Variants in PIWIL2 observed in about 807,000 individuals in gnomAD.
PIWIL2 encodes the protein piwi like RNA-mediated gene silencing 2.
PIWIL2 carries 81 observed loss-of-function variants against 116.5 expected under a neutral mutation model. The observed-to-expected ratio is 0.70, with a 90% confidence interval of 0.58 to 0.84. PIWIL2 has a LOEUF of 0.84. Among genes scored for constraint, PIWIL2 ranks in the 40% least tolerant of loss-of-function variants. The probability of loss-of-function intolerance (pLI) is 0.00; values close to 1 mark genes in which losing one functional copy is unlikely to be tolerated. For missense variants in PIWIL2, 1,272 were observed against 1,212.3 expected, an observed-to-expected ratio of 1.05 and a Z score of -0.73; for synonymous variants, 489 against 429.5, an observed-to-expected ratio of 1.14 and a Z score of -1.71.
Position 22,281,161 on chromosome 8 carries a change from T to G in PIWIL2, c.240T>G (p.Ile80Met), listed in dbSNP as rs895354809. The change falls in exon 3 of 23, where the codon ATT becomes ATG. Residue 80 changes from isoleucine to methionine, a missense_variant. Ile to Met is a conservative substitution (Grantham distance 10). Transcript: ENST00000356766. ...TCTCCATGTTCCGAGGCCTGGGCAT[T>G]GAAACAGTTTCTAAGACCCCTCTGA... ...GLVSMFRGLGIETVSKTPLKR... is the reference protein window; with the variant it reads ...GLVSMFRGLGMETVSKTPLKR... 2 of 1,612,940 alleles carry G rather than the reference T, an allele frequency of 1.2e-6. No individual in the cohort carries two copies. Among genetic ancestry groups the G allele is most frequent in the African/African-American group, 1.3e-5 (1 of 74,862 alleles).
intron 1 of PIWIL2, among the ~76,000 whole-genome samples, chr8:22,277,358 G>C (rs550475239): frequency 1.1e-4 from 16 of 152,196 alleles, no homozygotes; most frequent in African/African-American, 3.9e-4. Flanking sequence ...GACCTGATGG[G>C]CTTTAGATTT....
rs974045894 is a variant in PIWIL2, at chr8:22,281,165, A to G, written c.244A>G (p.Thr82Ala). ...VSMFRGLGIE[T>A]VSKTPLKREM... is the part of the protein sequence containing the mutation. Reference sequence around the variant, plus strand: ...CATGTTCCGAGGCCTGGGCATTGAAACAGTTTCTAAGACCCCTCTGAAACG... The same window carrying G: ...CATGTTCCGAGGCCTGGGCATTGAAGCAGTTTCTAAGACCCCTCTGAAACG... Residue 82 changes from threonine (T) to alanine (A), a missense_variant, in exon 3 of 23, where the codon ACA (threonine) becomes GCA (alanine). Coordinates refer to ENST00000356766, the MANE Select transcript of PIWIL2 (RefSeq NM_018068.5). 9 of 1,612,878 alleles carry G rather than the reference A, an allele frequency of 5.6e-6. No individual in the cohort carries two copies. The highest frequency in any genetic ancestry group is 6.8e-6 in the Non-Finnish European group (8 of 1,179,630).
chr8:22,317,735 C>T (rs750621272), intron 19 of PIWIL2, among the ~76,000 whole-genome samples: 15 of 152,136 alleles, frequency 9.9e-5, no homozygotes, highest in Non-Finnish European at 1.8e-4. Flanking sequence ...TCTCAGCTCA[C>T]TGCAAGCTCC....
At chr8:22,323,012 G>A (rs1054964082) in intron 20 of PIWIL2, among the ~76,000 whole-genome samples, 1 of 150,542 alleles carries the variant, frequency 6.6e-6, no homozygotes, top group Non-Finnish European at 1.5e-5. Context: ...CGCCTCCCCG[G>A]TTCAAGCACT....
chr8:22,351,582 G>A (rs1832364210), intron 20 of PIWIL2, among the ~76,000 whole-genome samples: 1 of 147,554 alleles, frequency 6.8e-6, no homozygotes, highest in Non-Finnish European at 1.5e-5. Flanking sequence ...CTGTCACCCA[G>A]GCTGGAGTGC....
At chr8:22,293,942 TA>T (rs1830824735) in intron 10 of PIWIL2, among the ~76,000 whole-genome samples, 1 of 152,142 alleles carries the variant, frequency 6.6e-6, no homozygotes, top group Admixed American at 6.5e-5. Flanking sequence ...TTAGTGAAAA[TA>T]AGAAAAAAGT....
intron 10 of PIWIL2, among the ~76,000 whole-genome samples, chr8:22,297,115 A>G (rs1453667583): frequency 1.3e-5 from 2 of 151,962 alleles, no homozygotes; most frequent in Non-Finnish European, 2.9e-5. Context: ...CAGTCTCCCA[A>G]GTAGCTGGGA....
At chr8:22,289,396 C>T (rs1830705264) in intron 8 of PIWIL2, among the ~76,000 whole-genome samples, 1 of 152,104 alleles carries the variant, frequency 6.6e-6, no homozygotes, top group African/African-American at 2.4e-5. Flanking sequence ...CGTGATCTGT[C>T]CACCTCAGCC....
chr8:22,299,540 A>G (rs577132884), intron 10 of PIWIL2, among the ~76,000 whole-genome samples: 2 of 152,040 alleles, frequency 1.3e-5, no homozygotes, highest in East Asian at 3.9e-4. Flanking sequence ...TTGAAATACC[A>G]CCTTATTCTA....
chr8:22,279,404 A>G lies in PIWIL2; in HGVS notation c.18A>G (p.Pro6=), dbSNP rs199690376. 1.5e-5 allele frequency: 24 copies of G among 1,614,136 alleles called. No individual in the cohort carries two copies. In the Admixed American group the frequency reaches 2.2e-4, roughly 15 times the overall value. MDPFR[P]SFRGQSPIHP... ...GCCCGTCCATGGATCCTTTCCGACCATCGTTCAGGGGCCAGTCTCCTATCC... is the reference window on the plus strand; with the variant it reads ...GCCCGTCCATGGATCCTTTCCGACCGTCGTTCAGGGGCCAGTCTCCTATCC... Residue 6 remains proline, a synonymous_variant, in exon 2 of 23, where the codon CCA becomes CCG. Coordinates refer to ENST00000356766, the MANE Select transcript of PIWIL2 (RefSeq NM_018068.5).
At chr8:22,311,430 G>A (rs769758559) in intron 16 of PIWIL2, 130 bp downstream of exon 16, 1 of 698,960 alleles carries the variant, frequency 1.4e-6, no homozygotes, top group Non-Finnish European at 2.3e-6. Context: ...ATGCGCACAT[G>A]AAATACTGAT....
At chr8:22,318,141 C>T in intron 19 of PIWIL2, 29 bp from the exon 20 acceptor site, 2 of 1,391,628 alleles carry the variant, frequency 1.4e-6, no homozygotes, top group Non-Finnish European at 2.0e-6. Flanking sequence ...ATCTTCCTTT[C>T]TCTGTCTCTC....
At chr8:22,333,049 C>T (rs1831897554) in intron 20 of PIWIL2, among the ~76,000 whole-genome samples, 1 of 151,932 alleles carries the variant, frequency 6.6e-6, no homozygotes, top group Non-Finnish European at 1.5e-5. Flanking sequence ...TAAATGATGT[C>T]CTGATATTCA....
chr8:22,295,205 C>T (rs535410437), intron 10 of PIWIL2, among the ~76,000 whole-genome samples: 1 of 152,114 alleles, frequency 6.6e-6, no homozygotes, highest in East Asian at 1.9e-4. Context: ...TTTCATGGCC[C>T]AGACTGAAGT....
intron 20 of PIWIL2, among the ~76,000 whole-genome samples, chr8:22,336,627 C>G (rs1209596694): frequency 6.6e-6 from 1 of 152,068 alleles, no homozygotes; most frequent in Non-Finnish European, 1.5e-5. Flanking sequence ...CATTAGAGAG[C>G]TGGGTGCAGT....
intron 20 of PIWIL2, among the ~76,000 whole-genome samples, chr8:22,346,287 A>G (rs901600065): frequency 3.9e-5 from 6 of 152,228 alleles, no homozygotes; most frequent in Non-Finnish European, 5.9e-5. Flanking sequence ...CTATATTTCA[A>G]TAAAGCTGTT....
intron 10 of PIWIL2, among the ~76,000 whole-genome samples, chr8:22,299,732 T>C (rs879281673): frequency 6.6e-6 from 1 of 152,124 alleles, no homozygotes; most frequent in Non-Finnish European, 1.5e-5. Context: ...CTGTGAAACG[T>C]TACAGTGAAG....
In PIWIL2 at chr8:22,311,222, C is replaced by T. The variant is rs1831322547; in HGVS notation, c.1911C>T (p.Ser637=). The T allele has an allele frequency of 1.2e-6, 2 of 1,614,056 alleles. No individual in the cohort carries two copies. The highest frequency in any genetic ancestry group is 1.7e-6 in the Non-Finnish European group (2 of 1,179,968). The part of the protein sequence containing the change: ...KIAGPIGMRM[S]PPAWVELKDD... ...CCGGCCCCATTGGCATGCGTATGAGCCCACCGGCCTGGGTTGAACTAAAGG... is the reference window on the plus strand; with the variant it reads ...CCGGCCCCATTGGCATGCGTATGAGTCCACCGGCCTGGGTTGAACTAAAGG... Residue 637 remains serine, a synonymous_variant, in exon 16 of 23, where the codon AGC becomes AGT. Coordinates refer to ENST00000356766, the MANE Select transcript of PIWIL2 (RefSeq NM_018068.5).
At chr8:22,304,341 AAC>A (rs1441689996) in intron 11 of PIWIL2, 132 bp downstream of exon 11, 2 of 625,118 alleles carry the variant, frequency 3.2e-6, no homozygotes, top group Non-Finnish European at 5.6e-6. Context: ...TAATGTGTCT[AAC>A]ACTGAATGAG....
Sources: gnomAD v4.1 joint callset for allele counts (sites outside exome capture counted in the v4.1 genomes callset) on GRCh38, gnomAD v4.1.1 for gene constraint, MANE v1.5 for transcripts, NCBI Gene and HGNC (gene_info 2026-07-23, HGNC 2026-07-21) for gene names.